The following PDE3B variants were observed in gnomAD, a reference collection of about 807,000 sequenced individuals.
PDE3B encodes phosphodiesterase 3B, also known as cGMP-inhibited 3',5'-cyclic phosphodiesterase 3B.
A neutral mutation model predicts 116.8 loss-of-function variants in PDE3B; 66 were observed. The observed-to-expected ratio is 0.56, with a 90% CI of 0.46 to 0.69. The LOEUF is 0.69. Among genes scored for constraint, PDE3B ranks in the 30% least tolerant of loss-of-function variants. The pLI is 0.00. For missense variants in PDE3B, 1,384 were observed against 1,368.1 expected, an observed-to-expected ratio of 1.01 and a Z score of -0.18; for synonymous variants, 595 against 533.6, an observed-to-expected ratio of 1.12 and a Z score of -1.59.
In PDE3B at chr11:14,830,722, A is replaced by C. The variant is rs761623026; in HGVS notation, c.1832A>C (p.Lys611Thr). 1.4e-5 allele frequency: 20 copies of C among 1,478,190 alleles called. No individual in the cohort carries two copies. The highest frequency in any genetic ancestry group is 1.8e-5 in the Non-Finnish European group (20 of 1,112,200). The allele number at this position is 1,478,190 out of a possible 1,614,324, so 91.6% of individuals were successfully genotyped here. The change falls in exon 8 of 16, where the codon AAA becomes ACA. Residue 611 changes from lysine to threonine, a missense_variant. This residue lies in a region of PDE3B where 956 missense variants were observed against 806.8 expected (regional missense o/e 1.18). Coordinates refer to ENST00000282096, the MANE Select transcript of PDE3B (RefSeq NM_000922.4). ...GGTGAAGAAGAAAACATTTTCTCGA[A>C]AGAATCATTCAAACTTATGGAAACT... Reference protein sequence around the residue: ...KSGEEENIFSKESFKLMETQQ... With the variant: ...KSGEEENIFSTESFKLMETQQ...
intron 4 of PDE3B, among the ~76,000 whole-genome samples, chr11:14,792,893 C>CT (rs982716127): frequency 2.6e-5 from 4 of 152,172 alleles, no homozygotes; most frequent in Non-Finnish European, 1.5e-5. Flanking sequence ...GAGAAGTACT[C>CT]TTTTCTTCCT....
chr11:14,730,791 A>T (rs931707049), intron 1 of PDE3B, among the ~76,000 whole-genome samples: 2 of 152,224 alleles, frequency 1.3e-5, no homozygotes, highest in Non-Finnish European at 2.9e-5. Flanking sequence ...CTCTAAAAGT[A>T]TAATGGAAGG....
intron 7 of PDE3B, among the ~76,000 whole-genome samples, chr11:14,824,445 C>T (rs568595365): frequency 1.3e-5 from 2 of 152,192 alleles, no homozygotes; most frequent in African/African-American, 4.8e-5. Context: ...TGAAAAGGAA[C>T]CTAACTGATC....
chr11:14,862,717 G>A (rs538445532), intron 14 of PDE3B, among the ~76,000 whole-genome samples: 2 of 152,138 alleles, frequency 1.3e-5, no homozygotes, highest in Admixed American at 6.5e-5. Flanking sequence ...GGGATTACAG[G>A]TGCACGCCAC....
intron 5 of PDE3B, among the ~76,000 whole-genome samples, chr11:14,807,209 A>G (rs987575917): frequency 6.6e-6 from 1 of 152,228 alleles, no homozygotes; most frequent in Non-Finnish European, 1.5e-5. Flanking sequence ...ATACCTATGT[A>G]GCAAACCTGC....
chr11:14,862,960 C>T (rs782674461), intron 14 of PDE3B, among the ~76,000 whole-genome samples: 7 of 152,102 alleles, frequency 4.6e-5, no homozygotes, highest in South Asian at 4.2e-4. Context: ...TAGGTATACA[C>T]GTGCCATGGT....
intron 1 of PDE3B, among the ~76,000 whole-genome samples, chr11:14,694,683 T>C (rs1394169081): frequency 1.3e-5 from 2 of 152,180 alleles, no homozygotes; most frequent in Non-Finnish European, 2.9e-5. Context: ...ACCAAAAAAT[T>C]CATGTGACAT....
At chr11:14,671,453 G>A (rs1343780687) in intron 1 of PDE3B, among the ~76,000 whole-genome samples, 1 of 152,260 alleles carries the variant, frequency 6.6e-6, no homozygotes. Context: ...AGTGGTGGGA[G>A]TGGTAAGAAC....
intron 12 of PDE3B, among the ~76,000 whole-genome samples, chr11:14,848,681 C>T (rs1434166231): frequency 2.0e-5 from 3 of 152,324 alleles, no homozygotes; most frequent in African/African-American, 7.2e-5. Flanking sequence ...CACAAGCATT[C>T]TTATACACCA....
At chr11:14,687,905 T>G (rs1003522707) in intron 1 of PDE3B, among the ~76,000 whole-genome samples, 1 of 152,184 alleles carries the variant, frequency 6.6e-6, no homozygotes, top group Non-Finnish European at 1.5e-5. Flanking sequence ...ACAATTTCTT[T>G]TTTTGAATAA....
chr11:14,670,592 G>A (rs900475736), intron 1 of PDE3B, among the ~76,000 whole-genome samples: 1 of 152,042 alleles, frequency 6.6e-6, no homozygotes, highest in Non-Finnish European at 1.5e-5. Flanking sequence ...ATGAGATAAT[G>A]ATTTACATAC....
At position 14,758,646 on chromosome 11, in the gene PDE3B, A is replaced by G. The variant is rs1359050349; in HGVS notation, c.979-13291A>G. 1.7e-3 allele frequency among the ~76,000 whole-genome samples: 253 copies of G among 146,670 alleles called. 5 individuals are homozygous for G. Among genetic ancestry groups the G allele is most frequent in the African/African-American group, 6.1e-3 (237 of 39,012 alleles). On this transcript the variant is annotated intron_variant, in intron 1 of 15. Coordinates refer to ENST00000282096, the MANE Select transcript of PDE3B (RefSeq NM_000922.4). ...ATAAGAATGCTTGTGATTTTTGTAC[A>G]TTGATTTTGTATCCTGAGACTTTGC... is the stretch of plus-strand genomic sequence containing the variant.
chr11:14,881,965 T>A, the PDE3B span, among the ~76,000 whole-genome samples: 101 of 152,260 alleles, frequency 6.6e-4, 1 homozygote, highest in African/African-American at 2.4e-3. Context: ...GTACATGAGG[T>A]ACACACAAAA....
intron 2 of PDE3B, chr11:14,776,273 A>C (rs1156348949): frequency 6.6e-6 from 1 of 152,266 alleles, no homozygotes; most frequent in Non-Finnish European, 1.5e-5. Flanking sequence ...ATCAGTGACC[A>C]GGGAGAAGCA....
At chr11:14,703,101 T>C (rs1314672451) in intron 1 of PDE3B, among the ~76,000 whole-genome samples, 1 of 151,890 alleles carries the variant, frequency 6.6e-6, no homozygotes, top group African/African-American at 2.4e-5. Context: ...GAAGATAGTC[T>C]TTTATAAGTA....
intron 1 of PDE3B, among the ~76,000 whole-genome samples, chr11:14,692,380 T>A (rs1855067077): frequency 6.6e-6 from 1 of 152,148 alleles, no homozygotes. Flanking sequence ...ACTCTTCACT[T>A]TATATGAAGT....
chr11:14,772,182 G>A, intron 2 of PDE3B, 195 bp downstream of exon 2: 4 of 297,726 alleles, frequency 1.3e-5, no homozygotes, highest in South Asian at 2.0e-4. Context: ...TTAATTATAA[G>A]GGAAAAAGAA....
chr11:14,799,631 A>G (rs1858679592), intron 4 of PDE3B, among the ~76,000 whole-genome samples: 1 of 151,856 alleles, frequency 6.6e-6, no homozygotes, highest in African/African-American at 2.4e-5. Context: ...TTGGGTACAT[A>G]TATATTTAGG....
At chr11:14,818,498 A>AC in intron 6 of PDE3B, 105 bp downstream of exon 6, 1 of 685,098 alleles carries the variant, frequency 1.5e-6, no homozygotes, top group Non-Finnish European at 2.5e-6. Flanking sequence ...AAGCTAAATG[A>AC]CCATAGTTTT....
Sources: allele counts gnomAD v4.1 joint callset (sites outside exome capture counted in the v4.1 genomes callset), GRCh38; gene constraint gnomAD v4.1.1; regional missense constraint gnomAD v4.1.1; transcripts MANE v1.5; gene names NCBI Gene and HGNC (gene_info 2026-07-23, HGNC 2026-07-21).